CACNA1I: variants seen among roughly 807,000 people sequenced by gnomAD.
CACNA1I encodes calcium voltage-gated channel subunit alpha1 I.
Under a neutral mutation model 201.6 loss-of-function variants are expected in CACNA1I, and 74 were observed. That is an observed-to-expected ratio of 0.37 (90% CI 0.30 to 0.45). The LOEUF (loss-of-function observed/expected upper bound fraction) is 0.45. Among genes scored for constraint, CACNA1I ranks in the 20% least tolerant of loss-of-function variants. The pLI, the probability that CACNA1I is intolerant of heterozygous loss-of-function variation, is 1.00. For synonymous variants in CACNA1I, 1,431 were observed against 1,345.2 expected (o/e 1.06, Z -1.40); for missense variants, 2,346 against 3,138.1 (o/e 0.75, Z 6.03).
Position 39,632,143 on chromosome 22 carries a change from C to T in CACNA1I, c.581-2422C>T, listed in dbSNP as rs983208546. On this transcript the variant is annotated intron_variant, in intron 4 of 36. Coordinates refer to ENST00000402142, the MANE Select transcript of CACNA1I (RefSeq NM_021096.4). ...ATTAATTGAGCGACAAAGGCCGGCC[C>T]GAGGGAGAAGCAGGAGCGGGAATGA... Among the ~76,000 whole-genome samples, 6 of 152,238 alleles carry T rather than the reference C, an allele frequency of 3.9e-5. No homozygotes were observed. The East Asian group carries it at 5.8e-4, about 15-fold the overall frequency.
At chr22:39,664,312 G>C (rs886099667) in intron 20 of CACNA1I, among the ~76,000 whole-genome samples, 153 bp downstream of exon 20, 1 of 151,526 alleles carries the variant, frequency 6.6e-6, no homozygotes, top group African/African-American at 2.4e-5. Flanking sequence ...CCCCGGGGCT[G>C]GGCTCCCGCG....
At chr22:39,611,775 C>T (rs1179163650) in intron 3 of CACNA1I, among the ~76,000 whole-genome samples, 1 of 152,188 alleles carries the variant, frequency 6.6e-6, no homozygotes, top group African/African-American at 2.4e-5. Flanking sequence ...AGGTCCAGGT[C>T]TTCTGCCACT....
At chr22:39,644,452 C>T (rs1450830331) in intron 7 of CACNA1I, among the ~76,000 whole-genome samples, 1 of 152,162 alleles carries the variant, frequency 6.6e-6, no homozygotes, top group African/African-American at 2.4e-5. Flanking sequence ...ACTATTATTG[C>T]TGCTATTATT....
Position 39,685,741 on chromosome 22 carries a change from C to T in CACNA1I, c.6028-20C>T, listed in dbSNP as rs1330723984. 2.1e-6 allele frequency: 3 copies of T among 1,438,334 alleles called. No individual in the cohort carries two copies. Among genetic ancestry groups the T allele is most frequent in the Middle Eastern group, 2.5e-4 (1 of 4,016 alleles). 89.1% of individuals were successfully genotyped at this position (1,438,334 alleles called of 1,614,324 possible). ...TGGGGGCCGACACAGGCGGCCTCCA[C>T]GGCTCCCACCTCCCCCCAGGCCACC... On this transcript the variant is annotated intron_variant, in intron 36 of 36. Coordinates refer to ENST00000402142, the MANE Select transcript of CACNA1I (RefSeq NM_021096.4). This position sits in a 1 kb window ranked among gnomAD's most constrained non-coding sequence, Gnocchi z 5.0.
chr22:39,682,548 T>C lies in CACNA1I; in HGVS notation c.5717T>C (p.Phe1906Ser). The change falls in exon 35 of 37, where the codon TTC (phenylalanine) becomes TCC (serine). Residue 1906 changes from phenylalanine (F) to serine (S), a missense_variant. Coordinates refer to ENST00000402142, the MANE Select transcript of CACNA1I (RefSeq NM_021096.4). ...PMRVGDLGEC[F>S]FPLSSTAVSP... Reference sequence around the variant, plus strand: ...CGTGTGGGAGACCTGGGCGAATGCTTCTTCCCCTTGTCCTCTACGGCCGTC... The same window carrying C: ...CGTGTGGGAGACCTGGGCGAATGCTCCTTCCCCTTGTCCTCTACGGCCGTC... 1 of 1,613,746 alleles carries C rather than the reference T, an allele frequency of 6.2e-7. No individual in the cohort carries two copies. Among genetic ancestry groups the C allele is most frequent in the Non-Finnish European group, 8.5e-7 (1 of 1,179,856 alleles).
At chr22:39,628,240 C>A (rs184931126) in intron 4 of CACNA1I, among the ~76,000 whole-genome samples, 2 of 152,144 alleles carry the variant, frequency 1.3e-5, no homozygotes, top group Admixed American at 6.5e-5. Context: ...GTTCTCTGGG[C>A]GAGACCCTGG....
At chr22:39,572,302 A>T (rs1033939767) in intron 1 of CACNA1I, among the ~76,000 whole-genome samples, 2 of 152,010 alleles carry the variant, frequency 1.3e-5, no homozygotes, top group African/African-American at 4.8e-5. Context: ...CCACCAAAAA[A>T]TGCCCATATG....
At chr22:39,624,613 C>T (rs999068764) in intron 4 of CACNA1I, among the ~76,000 whole-genome samples, 3 of 152,220 alleles carry the variant, frequency 2.0e-5, no homozygotes, top group Non-Finnish European at 4.4e-5. Context: ...CAGATACTCA[C>T]AGGCGATTCT....
intron 35 of CACNA1I, among the ~76,000 whole-genome samples, chr22:39,682,907 AAGCTTCATGCTG>A (rs1052114136): frequency 6.6e-6 from 1 of 152,164 alleles, no homozygotes; most frequent in African/African-American, 2.4e-5. Context: ...CATCTAAAGG[AAGCTTCATGCTG>A]AGCTTCCTAG....
intron 3 of CACNA1I, among the ~76,000 whole-genome samples, chr22:39,603,202 TC>T (rs1008657879): frequency 6.6e-6 from 1 of 152,198 alleles, no homozygotes; most frequent in Non-Finnish European, 1.5e-5. Flanking sequence ...AGAAAGTTCT[TC>T]CATCTCTTCT....
intron 3 of CACNA1I, among the ~76,000 whole-genome samples, chr22:39,608,777 G>A (rs139945441): frequency 3.3e-5 from 5 of 151,864 alleles, no homozygotes; most frequent in South Asian, 2.1e-4. Context: ...CCAAGATTGC[G>A]CCACTACACT....
chr22:39,656,845 T>G, intron 10 of CACNA1I: 2 of 500,440 alleles, frequency 4.0e-6, no homozygotes, highest in Middle Eastern at 6.6e-4. Flanking sequence ...GGCTAACTTG[T>G]GTTGGGCGTC....
In CACNA1I at chr22:39,685,526, G is replaced by A. The variant is rs182177730; in HGVS notation, c.6028-235G>A. Among the ~76,000 whole-genome samples the A allele has an allele frequency of 1.8e-3, 277 of 152,122 alleles. 1 individual carries two copies. Among genetic ancestry groups the A allele is most frequent in the Non-Finnish European group, 2.5e-3 (171 of 67,942 alleles). On this transcript the variant is annotated intron_variant, in intron 36 of 36. Transcript: ENST00000402142. This position sits in a 1 kb window ranked among gnomAD's most constrained non-coding sequence, Gnocchi z 5.0. ...GGAGCCTTCTGTGACGGGCAGGGCC[G>A]GGTCTGACCTGGGTTTGAGGCGGAT...
At chr22:39,635,262 A>G (rs1028341937) in intron 5 of CACNA1I, among the ~76,000 whole-genome samples, 6 of 152,226 alleles carry the variant, frequency 3.9e-5, no homozygotes, top group Admixed American at 3.3e-4. Flanking sequence ...CCAGGGAGTC[A>G]GAAATAGGAG....
chr22:39,598,675 C>T (rs146110209), intron 2 of CACNA1I, among the ~76,000 whole-genome samples: 1 of 152,116 alleles, frequency 6.6e-6, no homozygotes, highest in African/African-American at 2.4e-5. Flanking sequence ...ACCTGCACTT[C>T]GTCCCCCGTG....
At chr22:39,672,055 A>C in intron 26 of CACNA1I, 144 bp from the exon 27 acceptor site, 2 of 620,144 alleles carry the variant, frequency 3.2e-6, no homozygotes. Flanking sequence ...ACTAAGATGG[A>C]AAGAATAAAA....
Position 39,632,680 on chromosome 22 carries a change from A to G in CACNA1I, c.581-1885A>G, listed in dbSNP as rs1934098195. Among the ~76,000 whole-genome samples, 4 of 152,134 alleles carry G rather than the reference A, an allele frequency of 2.6e-5. No individual in the cohort carries two copies. The South Asian group carries it at 8.3e-4, about 32-fold the overall frequency. The stretch of plus-strand genomic sequence containing the variant: ...GCCTGGCATGCAGCTGGCATTTACT[A>G]TGTGTTTCATGAATGAATGAGTGAG... On this transcript the variant is annotated intron_variant, in intron 4 of 36. Coordinates refer to ENST00000402142, the MANE Select transcript of CACNA1I (RefSeq NM_021096.4).
rs751088898 is a variant in CACNA1I, at chr22:39,664,910, C to T, written c.3838C>T (p.Leu1280=). The T allele has an allele frequency of 2.7e-5, 43 of 1,612,054 alleles. No individual in the cohort carries two copies. Among genetic ancestry groups the T allele is most frequent in the Non-Finnish European group, 3.6e-5 (42 of 1,179,826 alleles). ...VLRVLRLLRT[L]RPLRVISRAP... is the part of the protein sequence containing the mutation. ...CCGAGTCTTGCGGCTCCTGCGCACC[C>T]TACGCCCCCTGCGGTGAGGACCCCT... Residue 1280 remains leucine, a synonymous_variant, in exon 21 of 37, where the codon CTA becomes TTA. Coordinates refer to ENST00000402142, the MANE Select transcript of CACNA1I (RefSeq NM_021096.4).
At chr22:39,590,497 G>A (rs1240058790) in intron 1 of CACNA1I, among the ~76,000 whole-genome samples, 3 of 152,246 alleles carry the variant, frequency 2.0e-5, no homozygotes, top group African/African-American at 4.8e-5. Context: ...CCCAGCCTCC[G>A]CTTCCCTCTG....
Sources: allele counts gnomAD v4.1 joint callset (sites outside exome capture counted in the v4.1 genomes callset), GRCh38; gene constraint gnomAD v4.1.1; non-coding constraint Gnocchi (gnomAD v3.1); transcripts MANE v1.5; gene names NCBI Gene and HGNC (gene_info 2026-07-23, HGNC 2026-07-21).